Variants in BDH2 observed in about 807,000 individuals in gnomAD.
BDH2 encodes 3-hydroxybutyrate dehydrogenase 2.
BDH2 carries 24 observed loss-of-function variants against 33.2 expected under a neutral mutation model. The observed-to-expected ratio is 0.72, with a 90% CI of 0.52 to 1.02. The LOEUF is 1.02. Among genes scored for constraint, BDH2 ranks in the 50% least tolerant of loss-of-function variants. The probability of loss-of-function intolerance (pLI) is 0.00; values close to 1 mark genes in which losing one functional copy is unlikely to be tolerated. For synonymous variants in BDH2, 81 were observed against 101.6 expected (o/e 0.80, Z 1.22); for missense variants, 249 against 301.6 (o/e 0.83, Z 1.29).
chr4:103,089,943 C>A (rs1314182776), intron 5 of BDH2, among the ~76,000 whole-genome samples: 1 of 152,176 alleles, frequency 6.6e-6, no homozygotes, highest in Non-Finnish European at 1.5e-5. Context: ...AAAGTCCCTT[C>A]ATTACTAAGT....
In BDH2 at chr4:103,079,639, C is replaced by G. The variant is rs1377291191; in HGVS notation, c.*63G>C. The G allele has an allele frequency of 1.7e-5, 25 of 1,513,776 alleles. No homozygotes were observed. Among genetic ancestry groups the G allele is most frequent in the Non-Finnish European group, 2.3e-5 (25 of 1,092,388 alleles). 93.8% of individuals were successfully genotyped at this position (1,513,776 alleles called of 1,614,324 possible). A position where few individuals can be genotyped will look rare whatever the true frequency, so the allele number is the denominator to read the frequency against. On this transcript the variant is annotated 3_prime_UTR_variant, in exon 10 of 10. Transcript: ENST00000296424. Reference sequence around the variant, plus strand: ...AAGGAGATGATTGGTGAGTTTTCTTCGTAACCAGGTTCACTGTGGATAGGA... The same window carrying G: ...AAGGAGATGATTGGTGAGTTTTCTTGGTAACCAGGTTCACTGTGGATAGGA...
intron 2 of BDH2, 35 bp downstream of exon 2, chr4:103,096,148 T>C (rs6858419): frequency 0.023 from 34,001 of 1,502,688 alleles, 499 homozygotes; most frequent in African/African-American, 0.053. Context: ...CAAGAGTTAG[T>C]AGGCAAACAA....
intron 6 of BDH2, 164 bp downstream of exon 6, chr4:103,086,316 A>G: frequency 8.2e-6 from 11 of 1,334,434 alleles, no homozygotes; most frequent in Non-Finnish European, 1.1e-5. Context: ...CATCGAGAGC[A>G]AAAGATCTGT....
At chr4:103,081,999 C>G (rs1747546604) in intron 9 of BDH2, 82 bp downstream of exon 9, 2 of 1,142,506 alleles carry the variant, frequency 1.8e-6, no homozygotes, top group African/African-American at 1.5e-5. Flanking sequence ...CACAAACTCT[C>G]TAAAATGATA....
At chr4:103,091,549 C>T in intron 4 of BDH2, 2 of 391,880 alleles carry the variant, frequency 5.1e-6, no homozygotes, top group East Asian at 1.2e-4. Context: ...ATTAATTGTG[C>T]TGGAAACATC....
intron 1 of BDH2, chr4:103,097,592 G>C (rs910571539): frequency 3.3e-5 from 5 of 152,194 alleles, no homozygotes; most frequent in Non-Finnish European, 7.3e-5. Flanking sequence ...CAGGCAAAAA[G>C]AAAGGGAGGA....
At chr4:103,087,320 C>T (rs58477215) in intron 5 of BDH2, among the ~76,000 whole-genome samples, 34,781 of 148,904 alleles carry the variant, frequency 0.23, 4,238 homozygotes, top group African/African-American at 0.32. Flanking sequence ...TGCAGTGACA[C>T]TGAAGGGTTT....
intron 8 of BDH2, 63 bp downstream of exon 8, chr4:103,082,808 A>G: frequency 2.2e-6 from 3 of 1,373,516 alleles, no homozygotes; most frequent in Non-Finnish European, 3.1e-6. Context: ...TTTGTCTGCT[A>G]TAGGTATGGA....
At chr4:103,091,318 T>G (rs1432944527) in intron 4 of BDH2, 33 bp from the exon 5 acceptor site, 1 of 1,463,910 alleles carries the variant, frequency 6.8e-7, no homozygotes. Context: ...GAAGAATAAC[T>G]GCCATTAAAA....
At chr4:103,085,894 C>G (rs1313207467) in intron 6 of BDH2, 31 of 1,194,386 alleles carry the variant, frequency 2.6e-5, no homozygotes, top group Non-Finnish European at 3.3e-5. Context: ...GTAACTATTT[C>G]ATTTTAAACT....
intron 1 of BDH2, among the ~76,000 whole-genome samples, chr4:103,097,269 C>T (rs1347255839): frequency 6.6e-6 from 1 of 152,198 alleles, no homozygotes; most frequent in Non-Finnish European, 1.5e-5. Context: ...GCTGCCGATC[C>T]TCTTATAAAG....
chr4:103,089,344 G>A (rs527819926), intron 5 of BDH2, among the ~76,000 whole-genome samples: 1 of 152,330 alleles, frequency 6.6e-6, no homozygotes, highest in East Asian at 1.9e-4. Context: ...TAGGGGCAGG[G>A]CGCAGACTGC....
chr4:103,098,491 C>G (rs1414259089), intron 1 of BDH2, among the ~76,000 whole-genome samples: 5 of 152,168 alleles, frequency 3.3e-5, no homozygotes, highest in Non-Finnish European at 7.4e-5. Flanking sequence ...TGAGGCGCAG[C>G]TGCTGCTGCC....
rs1747314942 is a variant in BDH2, at chr4:103,077,924, A to G, written c.*1778T>C. Among the ~76,000 whole-genome samples the G allele has an allele frequency of 6.6e-6, 1 of 152,202 alleles. No individual in the cohort carries two copies. Among genetic ancestry groups the G allele is most frequent in the South Asian group, 2.1e-4 (1 of 4,826 alleles). ...TGCCCGGTCCAAAACCTCATAGATA[A>G]TCTTATAATCAATGGACTCTTTCTG... is the stretch of plus-strand genomic sequence containing the variant. On this transcript the variant is annotated 3_prime_UTR_variant, in exon 10 of 10. Transcript: ENST00000296424.
At chr4:103,084,050 A>C (rs1747652535) in intron 7 of BDH2, among the ~76,000 whole-genome samples, 1 of 152,178 alleles carries the variant, frequency 6.6e-6, no homozygotes. Context: ...TACTTTCTGA[A>C]ACTGTATGAC....
chr4:103,096,531 ATT>A (rs70941651), intron 1 of BDH2, among the ~76,000 whole-genome samples: 147 of 114,214 alleles, frequency 1.3e-3, no homozygotes, highest in African/African-American at 2.3e-3. Flanking sequence ...GACATTGGCC[ATT>A]TTTTTTTTTT....
intron 3 of BDH2, 132 bp from the exon 4 acceptor site, chr4:103,092,828 G>A (rs2125809863): frequency 1.4e-6 from 1 of 706,940 alleles, no homozygotes; most frequent in African/African-American, 1.8e-5. Context: ...CTTCTTACTA[G>A]GGTCTTAAGA....
chr4:103,087,159 A>G (rs1352306837), intron 5 of BDH2, among the ~76,000 whole-genome samples: 1 of 152,102 alleles, frequency 6.6e-6, no homozygotes, highest in Non-Finnish European at 1.5e-5. Flanking sequence ...AAAGAAAAGG[A>G]TGTTTTGAGG....
chr4:103,086,398 C>A, intron 6 of BDH2, 82 bp downstream of exon 6: 1 of 1,517,828 alleles, frequency 6.6e-7, no homozygotes, highest in Admixed American at 2.4e-5. Context: ...ATTATAATCT[C>A]TGCTATGCCT....
Sources: gnomAD v4.1 joint callset for allele counts (sites outside exome capture counted in the v4.1 genomes callset) on GRCh38, gnomAD v4.1.1 for gene constraint, MANE v1.5 for transcripts, NCBI Gene and HGNC (gene_info 2026-07-23, HGNC 2026-07-21) for gene names.